MMP16: variants seen among roughly 807,000 people sequenced by gnomAD.
The protein encoded by MMP16 is matrix metalloproteinase-16.
Under a neutral mutation model 67.8 loss-of-function variants are expected in MMP16, and 12 were observed. The ratio of observed to expected loss-of-function variants is 0.18; its 90% CI spans 0.11 to 0.29. MMP16 has a LOEUF of 0.29. Among genes scored for constraint, MMP16 ranks in the 10% least tolerant of loss-of-function variants. The pLI is 1.00. For missense variants in MMP16, 475 were observed against 765.7 expected, an observed-to-expected ratio of 0.62 and a Z score of 4.48; for synonymous variants, 249 against 255.9, an observed-to-expected ratio of 0.97 and a Z score of 0.26.
At chr8:88,148,986 G>C (rs570002543) in intron 4 of MMP16, among the ~76,000 whole-genome samples, 1 of 152,202 alleles carries the variant, frequency 6.6e-6, no homozygotes, top group Non-Finnish European at 1.5e-5. Context: ...GACAGTGGGC[G>C]CAGGCCAGTG....
At chr8:88,236,225 C>T (rs1809938081) in intron 1 of MMP16, among the ~76,000 whole-genome samples, 1 of 152,204 alleles carries the variant, frequency 6.6e-6, no homozygotes, top group African/African-American at 2.4e-5. Flanking sequence ...GTTGAGATCA[C>T]ATATTCTAGA....
At chr8:88,289,721 CACACACA>C (rs1810891639) in intron 1 of MMP16, among the ~76,000 whole-genome samples, 1 of 151,532 alleles carries the variant, frequency 6.6e-6, no homozygotes, top group Non-Finnish European at 1.5e-5. Context: ...CACACACACA[CACACACA>C]CACCCCACTC....
chr8:88,264,316 C>A (rs535797774), intron 1 of MMP16, among the ~76,000 whole-genome samples: 2 of 152,228 alleles, frequency 1.3e-5, no homozygotes, highest in South Asian at 4.2e-4. Context: ...CCTTCTGCCT[C>A]AGCCTCCCAA....
chr8:88,317,809 C>A (rs1278205993), intron 1 of MMP16, among the ~76,000 whole-genome samples: 2 of 151,990 alleles, frequency 1.3e-5, no homozygotes, highest in Non-Finnish European at 2.9e-5. Context: ...ATCTATTGGT[C>A]AACCACCATA....
At chr8:88,316,208 G>GT (rs2130076699) in intron 1 of MMP16, among the ~76,000 whole-genome samples, 1 of 152,282 alleles carries the variant, frequency 6.6e-6, no homozygotes, top group South Asian at 2.1e-4. Context: ...ACTGCAGCAA[G>GT]TTATCCAGAA....
chr8:88,270,146 T>C (rs1187923415), intron 1 of MMP16, among the ~76,000 whole-genome samples: 1 of 152,196 alleles, frequency 6.6e-6, no homozygotes, highest in African/African-American at 2.4e-5. Context: ...CTCAACATGG[T>C]GACTCATAGA....
chr8:88,284,851 T>A (rs1468212273), intron 1 of MMP16, among the ~76,000 whole-genome samples: 2 of 150,226 alleles, frequency 1.3e-5, no homozygotes, highest in Non-Finnish European at 1.5e-5. Context: ...TTTTTTTTTT[T>A]AATTTCCTCT....
chr8:88,132,675 A>G (rs1217003471), intron 4 of MMP16, among the ~76,000 whole-genome samples: 1 of 151,856 alleles, frequency 6.6e-6, no homozygotes, highest in East Asian at 1.9e-4. Flanking sequence ...TTTATAACCT[A>G]ATCTTGGAAG....
At chr8:88,303,999 T>C (rs1224630808) in intron 1 of MMP16, among the ~76,000 whole-genome samples, 2 of 152,116 alleles carry the variant, frequency 1.3e-5, no homozygotes. Flanking sequence ...AGAACTTCAT[T>C]GAGCTAAAGA....
chr8:88,139,122 C>T (rs893130961), intron 4 of MMP16, among the ~76,000 whole-genome samples: 2 of 152,080 alleles, frequency 1.3e-5, no homozygotes, highest in African/African-American at 4.8e-5. Context: ...CTGACATTGT[C>T]TATGTCTCAT....
chr8:88,206,707 T>C (rs371945180), intron 1 of MMP16, among the ~76,000 whole-genome samples: 1 of 152,248 alleles, frequency 6.6e-6, no homozygotes. Flanking sequence ...TTTTGGTCTT[T>C]ATTTAGAAGT....
At chr8:88,195,525 A>C (rs989514627) in intron 2 of MMP16, among the ~76,000 whole-genome samples, 2 of 152,190 alleles carry the variant, frequency 1.3e-5, no homozygotes, top group African/African-American at 4.8e-5. Flanking sequence ...AGTACAATTT[A>C]AATGGAATTT....
chr8:88,156,287 C>T (rs1475808464), intron 4 of MMP16, among the ~76,000 whole-genome samples: 9 of 152,002 alleles, frequency 5.9e-5, no homozygotes, highest in African/African-American at 2.2e-4. Context: ...TTGCTCAGGA[C>T]ACATGCATCT....
intron 4 of MMP16, among the ~76,000 whole-genome samples, chr8:88,153,744 A>T (rs1808453856): frequency 6.7e-6 from 1 of 149,494 alleles, no homozygotes; most frequent in Admixed American, 6.7e-5. Context: ...TAAACGTTAG[A>T]CCTAAAACCA....
At chr8:88,159,975 T>C (rs1808586698) in intron 4 of MMP16, among the ~76,000 whole-genome samples, 1 of 151,884 alleles carries the variant, frequency 6.6e-6, no homozygotes, top group Non-Finnish European at 1.5e-5. Flanking sequence ...TTTATTTTAT[T>C]TTATTATTAT....
At chr8:88,262,773 C>A (rs899274410) in intron 1 of MMP16, among the ~76,000 whole-genome samples, 3 of 135,404 alleles carry the variant, frequency 2.2e-5, no homozygotes, top group South Asian at 4.8e-4. Context: ...GAGGCCGAGG[C>A]GGGTGAATCA....
In MMP16 at chr8:88,243,589, G is replaced by A. The variant is rs184222044; in HGVS notation, c.133-46283C>T. Among the ~76,000 whole-genome samples the A allele has an allele frequency of 7.6e-4, 115 of 152,238 alleles. 1 individual carries two copies. The highest frequency in any genetic ancestry group is 2.3e-3 in the African/African-American group (95 of 41,548). ...AGGAAGGCAGAATGAGATAGTAGAC[G>A]CTTAAAAGTCTGTTTTTGGGCAAGA... On this transcript the variant is annotated intron_variant, in intron 1 of 9. Transcript: ENST00000286614.
At chr8:88,063,758 T>C (rs944726938) in intron 7 of MMP16, among the ~76,000 whole-genome samples, 1 of 152,132 alleles carries the variant, frequency 6.6e-6, no homozygotes, top group Admixed American at 6.6e-5. Flanking sequence ...CTATGCAAAA[T>C]TGACTCTCAG....
intron 1 of MMP16, among the ~76,000 whole-genome samples, chr8:88,232,036 T>C (rs1809867926): frequency 6.6e-6 from 1 of 152,060 alleles, no homozygotes; most frequent in Admixed American, 6.6e-5. Context: ...CATTGAACCA[T>C]AAAGAGAAGG....
Sources: allele counts gnomAD v4.1 joint callset (sites outside exome capture counted in the v4.1 genomes callset), GRCh38; gene constraint gnomAD v4.1.1; transcripts MANE v1.5; gene names NCBI Gene and HGNC (gene_info 2026-07-23, HGNC 2026-07-21).